NCAM2: variants seen among roughly 807,000 people sequenced by gnomAD.
The protein encoded by NCAM2 is neural cell adhesion molecule 2.
NCAM2 carries 30 observed loss-of-function variants against 98.1 expected under a neutral mutation model. The ratio of observed to expected loss-of-function variants is 0.31; its 90% CI spans 0.23 to 0.41. The LOEUF (loss-of-function observed/expected upper bound fraction) is 0.41. NCAM2 is among the 10% of genes least tolerant of loss of function. The probability of loss-of-function intolerance (pLI) is 1.00; values close to 1 mark genes in which losing one functional copy is unlikely to be tolerated. For synonymous variants in NCAM2, 368 were observed against 342.4 expected, an observed-to-expected ratio of 1.07 and a Z score of -0.83; for missense variants, 867 against 1,005.8, an observed-to-expected ratio of 0.86 and a Z score of 1.87.
At chr21:21,364,292 CA>C (rs1369318107) in intron 8 of NCAM2, among the ~76,000 whole-genome samples, 21 of 151,874 alleles carry the variant, frequency 1.4e-4, no homozygotes, top group Admixed American at 3.9e-4. Flanking sequence ...ATCAATTATA[CA>C]TGAGTTAACA....
At chr21:21,465,095 AT>A (rs956607544) in intron 12 of NCAM2, among the ~76,000 whole-genome samples, 1 of 151,972 alleles carries the variant, frequency 6.6e-6, no homozygotes, top group African/African-American at 2.4e-5. Context: ...TGGAAATTTA[AT>A]TTTTTTTGTT....
chr21:21,535,466 A>T (rs890674869), intron 17 of NCAM2, among the ~76,000 whole-genome samples: 1 of 152,110 alleles, frequency 6.6e-6, no homozygotes, highest in African/African-American at 2.4e-5. Flanking sequence ...AAACTGATTT[A>T]GGTTTCTCAT....
chr21:21,310,550 A>G (rs2074014037), intron 5 of NCAM2, among the ~76,000 whole-genome samples: 1 of 152,232 alleles, frequency 6.6e-6, no homozygotes, highest in Admixed American at 6.5e-5. Flanking sequence ...GCTTTAGATC[A>G]GGAACTGACT....
Position 21,432,139 on chromosome 21 carries a change from C to A in NCAM2, c.1512C>A (p.Ile504=), listed in dbSNP as rs768606467. The change falls in exon 12 of 18, where the codon ATC becomes ATA. Residue 504 remains isoleucine, a synonymous_variant. Transcript: ENST00000400546. ...DVPSSPYGVK[I]IELSQTTAKV... Reference sequence around the variant, plus strand: ...CATCCAGTCCCTATGGAGTGAAGATCATAGAGCTGTCGCAGACCACGGCCA... The same window carrying A: ...CATCCAGTCCCTATGGAGTGAAGATAATAGAGCTGTCGCAGACCACGGCCA... The A allele has an allele frequency of 1.2e-6, 2 of 1,613,998 alleles. No individual in the cohort carries two copies. Among genetic ancestry groups the A allele is most frequent in the Admixed American group, 3.3e-5 (2 of 60,012 alleles).
At position 21,286,411 on chromosome 21, in the gene NCAM2, C is replaced by A; in HGVS notation, c.480C>A (p.Asp160Glu). Residue 160 changes from aspartate (D) to glutamate (E), a missense_variant and splice_region_variant, in exon 4 of 18, where the codon GAC becomes GAA. Asp to Glu is a conservative substitution (Grantham distance 45). This residue lies in a region of NCAM2 where 447 missense variants were observed against 495.7 expected (regional missense o/e 0.90). Transcript: ENST00000400546. ...ATGAGGAAGTCACCACTATTTCCGACAGTTAGTATTTTGGTAACTCCCTAA... is the reference window on the plus strand; with the variant it reads ...ATGAGGAAGTCACCACTATTTCCGAAAGTTAGTATTTTGGTAACTCCCTAA... ...YHNEEVTTISDNRFAMLANNN... is the reference protein window; with the variant it reads ...YHNEEVTTISENRFAMLANNN... 2 of 1,611,574 alleles carry A rather than the reference C, an allele frequency of 1.2e-6. No homozygotes were observed. The highest frequency in any genetic ancestry group is 3.3e-5 in the Admixed American group (2 of 59,756).
chr21:21,319,150 C>G (rs755009736), intron 5 of NCAM2, among the ~76,000 whole-genome samples: 6 of 152,002 alleles, frequency 3.9e-5, no homozygotes, highest in Non-Finnish European at 7.4e-5. Context: ...AATGCAAGCA[C>G]AGTCAGCTCT....
At chr21:21,373,720 C>G in intron 8 of NCAM2, 143 bp from the exon 9 acceptor site, 1 of 698,962 alleles carries the variant, frequency 1.4e-6, no homozygotes, top group Non-Finnish European at 2.1e-6. Flanking sequence ...CTTAGCTATA[C>G]AAGAAATACT....
chr21:21,467,825 A>G (rs1016513803), intron 13 of NCAM2, among the ~76,000 whole-genome samples: 1 of 151,830 alleles, frequency 6.6e-6, no homozygotes, highest in South Asian at 2.1e-4. Flanking sequence ...ACACTATGGA[A>G]CTCCATCCTG....
chr21:21,504,417 A>ATG, intron 15 of NCAM2, among the ~76,000 whole-genome samples: 1 of 140,526 alleles, frequency 7.1e-6, no homozygotes, highest in South Asian at 2.4e-4. Context: ...TTAAATTATT[A>ATG]CTTATGCTCA....
intron 1 of NCAM2, among the ~76,000 whole-genome samples, chr21:21,016,276 TGTA>T (rs764625439): frequency 1.3e-5 from 2 of 152,190 alleles, no homozygotes; most frequent in Non-Finnish European, 2.9e-5. Context: ...TCGAGAATAT[TGTA>T]GTCAAATATG....
At chr21:21,423,209 G>A (rs1264285988) in intron 11 of NCAM2, among the ~76,000 whole-genome samples, 1 of 152,072 alleles carries the variant, frequency 6.6e-6, no homozygotes, top group African/African-American at 2.4e-5. Context: ...TTATGGGAGG[G>A]ACTTGGCTGT....
intron 14 of NCAM2, among the ~76,000 whole-genome samples, chr21:21,475,227 G>A (rs1021068051): frequency 1.3e-5 from 2 of 151,994 alleles, no homozygotes; most frequent in Non-Finnish European, 2.9e-5. Flanking sequence ...GAGAAAAATG[G>A]CGCTAGAGTG....
intron 1 of NCAM2, among the ~76,000 whole-genome samples, chr21:21,213,686 A>C (rs937126079): frequency 1.3e-5 from 2 of 152,204 alleles, no homozygotes; most frequent in Non-Finnish European, 2.9e-5. Context: ...TTCAGGTTTT[A>C]TATGAACATG....
intron 8 of NCAM2, among the ~76,000 whole-genome samples, chr21:21,352,438 C>A (rs1337186262): frequency 6.6e-6 from 1 of 151,800 alleles, no homozygotes; most frequent in African/African-American, 2.4e-5. Flanking sequence ...TTATTTAGAT[C>A]GTCTCTTATT....
rs528246411 is a variant in NCAM2, at chr21:21,487,253, T to G, written c.2077+9782T>G. 5.3e-5 allele frequency among the ~76,000 whole-genome samples: 8 copies of G among 152,306 alleles called. No homozygotes were observed. In the South Asian group the frequency reaches 6.2e-4, roughly 12 times the overall value. On this transcript the variant is annotated intron_variant, in intron 15 of 17. Coordinates refer to ENST00000400546, the MANE Select transcript of NCAM2 (RefSeq NM_004540.5). ...ATAAAAATCAGACAGTTTACTTGTTTATTTTAAAAATGAGTTTGTTACTTT... is the reference window on the plus strand; with the variant it reads ...ATAAAAATCAGACAGTTTACTTGTTGATTTTAAAAATGAGTTTGTTACTTT...
intron 5 of NCAM2, among the ~76,000 whole-genome samples, chr21:21,298,817 A>G (rs76689185): frequency 0.017 from 2,614 of 151,708 alleles, 74 homozygotes; most frequent in African/African-American, 0.06. Flanking sequence ...AAAAGCATGT[A>G]TTGATTTTTC....
At position 21,331,574 on chromosome 21, in the gene NCAM2, T is replaced by G. The variant is rs1348115932; in HGVS notation, c.738-3931T>G. 1.1e-3 allele frequency among the ~76,000 whole-genome samples: 20 copies of G among 17,910 alleles called. 2 individuals are homozygous for G. The highest frequency in any genetic ancestry group is 1.7e-3 in the Non-Finnish European group (14 of 8,284). 11.7% of individuals were successfully genotyped at this position (17,910 alleles called of 152,430 possible). ...TATATATATACTCTATATACATATA[T>G]ATATAGAGAGAGAGAGAGAGAGAGA... On this transcript the variant is annotated intron_variant, in intron 6 of 17. Transcript: ENST00000400546.
chr21:21,307,833 C>A (rs1375131403), intron 5 of NCAM2, among the ~76,000 whole-genome samples: 1 of 152,150 alleles, frequency 6.6e-6, no homozygotes, highest in Non-Finnish European at 1.5e-5. Context: ...CTTCTTCTTA[C>A]AGCTGAAGAG....
intron 1 of NCAM2, among the ~76,000 whole-genome samples, chr21:21,260,831 C>T (rs1286776413): frequency 2.0e-5 from 3 of 152,172 alleles, no homozygotes; most frequent in Middle Eastern, 3.4e-3. Flanking sequence ...ACAGCACTAT[C>T]ACAGGAACAA....
Sources: gnomAD v4.1 joint callset for allele counts (sites outside exome capture counted in the v4.1 genomes callset) on GRCh38, gnomAD v4.1.1 for gene constraint, gnomAD v4.1.1 regional missense constraint, MANE v1.5 for transcripts, NCBI Gene and HGNC (gene_info 2026-07-23, HGNC 2026-07-21) for gene names.